ARHGEF28: variants seen among roughly 807,000 people sequenced by gnomAD.
ARHGEF28 encodes Rho guanine nucleotide exchange factor 28.
In ARHGEF28, 152 loss-of-function variants were observed where a neutral mutation model predicts 206.6. The ratio of observed to expected loss-of-function variants is 0.74; its 90% CI spans 0.64 to 0.84. The LOEUF (loss-of-function observed/expected upper bound fraction) is 0.84. Ranked by LOEUF, ARHGEF28 falls within the 40% of genes least tolerant of loss-of-function variation. The pLI, the probability that ARHGEF28 is intolerant of heterozygous loss-of-function variation, is 0.00. For missense variants in ARHGEF28, 2,028 were observed against 2,073.2 expected (o/e 0.98, Z 0.42); for synonymous variants, 763 against 776.4 (o/e 0.98, Z 0.29).
chr5:73,865,995 C>G lies in ARHGEF28; in HGVS notation c.2134C>G (p.Pro712Ala). ...KFQEKYNKNKPQTILGNSSFR... is the reference protein window; with the variant it reads ...KFQEKYNKNKAQTILGNSSFR... The stretch of plus-strand genomic sequence containing the variant: ...CCAAGAGAAATATAACAAGAACAAA[C>G]CACAGACCATCCTTGGAAGTAAGTG... The change falls in exon 18 of 36, where the codon CCA becomes GCA. Residue 712 changes from proline (P) to alanine (A), a missense_variant. Transcript: ENST00000513042. The G allele has an allele frequency of 6.2e-7, 1 of 1,604,816 alleles. No homozygotes were observed.
intron 35 of ARHGEF28, among the ~76,000 whole-genome samples, chr5:73,919,102 A>G (rs1239862273): frequency 6.6e-6 from 1 of 152,154 alleles, no homozygotes; most frequent in African/African-American, 2.4e-5. Flanking sequence ...TAACATAATT[A>G]TTTTAAAAAA....
rs566401380 is a variant in ARHGEF28 at position 73,686,372 on chromosome 5, C to T, written c.33+1488C>T. On this transcript the variant is annotated intron_variant, in intron 2 of 35. Coordinates refer to ENST00000513042, the MANE Select transcript of ARHGEF28 (RefSeq NM_001177693.2). Reference sequence around the variant, plus strand: ...TCGTGATAGAAGCCTTGTAGCTGACCGACCTCCTCATGTAGCTATTTTGAC... The same window carrying T: ...TCGTGATAGAAGCCTTGTAGCTGACTGACCTCCTCATGTAGCTATTTTGAC... 7.2e-5 allele frequency among the ~76,000 whole-genome samples: 11 copies of T among 152,108 alleles called. No homozygotes were observed. The South Asian group carries it at 2.1e-3, about 29-fold the overall frequency.
chr5:73,885,111 A>G (rs1222786404), intron 24 of ARHGEF28, among the ~76,000 whole-genome samples: 4 of 152,138 alleles, frequency 2.6e-5, no homozygotes, highest in Non-Finnish European at 5.9e-5. Context: ...TTGAATGTTA[A>G]TTTTATGGAG....
intron 10 of ARHGEF28, among the ~76,000 whole-genome samples, chr5:73,838,252 A>G (rs1757780499): frequency 2.7e-5 from 2 of 74,122 alleles, no homozygotes; most frequent in South Asian, 5.9e-4. Context: ...TTATATTAGC[A>G]TAGTACTTTT....
chr5:73,731,823 G>A (rs1243675755), intron 2 of ARHGEF28, among the ~76,000 whole-genome samples: 1 of 152,072 alleles, frequency 6.6e-6, no homozygotes, highest in East Asian at 1.9e-4. Flanking sequence ...TATGTAAACA[G>A]TTATTTATCA....
chr5:73,751,578 AAAT>A (rs1170375079), intron 3 of ARHGEF28, among the ~76,000 whole-genome samples: 4 of 152,166 alleles, frequency 2.6e-5, no homozygotes, highest in African/African-American at 9.7e-5. Context: ...AAAGGATAAA[AAAT>A]AATAACTAAA....
At chr5:73,762,455 C>CAAAAAAAAAA (rs35028103) in intron 4 of ARHGEF28, among the ~76,000 whole-genome samples, 2 of 66,864 alleles carry the variant, frequency 3.0e-5, no homozygotes, top group Non-Finnish European at 6.7e-5. Flanking sequence ...GACTCCCTCT[C>CAAAAAAAAAA]AAAAAAAAAA....
At chr5:73,896,324 C>T (rs1761957494) in intron 29 of ARHGEF28, among the ~76,000 whole-genome samples, 1 of 152,018 alleles carries the variant, frequency 6.6e-6, no homozygotes, top group African/African-American at 2.4e-5. Flanking sequence ...AGAAGGGAGG[C>T]CAGAGTAGCA....
chr5:73,810,146 C>T (rs948048020), intron 9 of ARHGEF28, among the ~76,000 whole-genome samples: 1 of 152,192 alleles, frequency 6.6e-6, no homozygotes, highest in Non-Finnish European at 1.5e-5. Flanking sequence ...TTTTTGACTT[C>T]ACTTTCTAGT....
intron 9 of ARHGEF28, among the ~76,000 whole-genome samples, chr5:73,800,714 G>A (rs916540932): frequency 2.0e-5 from 3 of 152,108 alleles, no homozygotes; most frequent in Admixed American, 1.3e-4. Context: ...ACAAACAATA[G>A]GATATGAGGT....
At chr5:73,831,635 C>G (rs996276704) in intron 9 of ARHGEF28, among the ~76,000 whole-genome samples, 3 of 151,988 alleles carry the variant, frequency 2.0e-5, no homozygotes, top group Non-Finnish European at 4.4e-5. Context: ...ACTAATACTT[C>G]TAAGTTATTA....
chr5:73,909,886 G>A lies in ARHGEF28; in HGVS notation c.4636G>A (p.Gly1546Ser). ...GAGCCTGCCCGCGGTGCTCCTTCCG[G>A]GTGGCCCCGAGGTATGGACCTTCTG... ...QRSLPAVLLP[G>S]GPEVMELNRS... Residue 1546 changes from glycine to serine, a missense_variant, in exon 34 of 36, where the codon GGT becomes AGT. Physicochemically the swap from Gly to Ser is moderately conservative, Grantham distance 56. Transcript: ENST00000513042. The A allele has an allele frequency of 6.6e-7, 1 of 1,512,248 alleles. No homozygotes were observed. The highest frequency in any genetic ancestry group is 2.2e-5 in the Admixed American group (1 of 45,340). The allele number at this position is 1,512,248 out of a possible 1,614,324, so 93.7% of individuals were successfully genotyped here.
intron 9 of ARHGEF28, among the ~76,000 whole-genome samples, chr5:73,816,975 G>GT (rs879303897): frequency 2.1e-4 from 32 of 151,752 alleles, no homozygotes; most frequent in African/African-American, 3.9e-4. Flanking sequence ...TTTTGTTTTT[G>GT]TTTTTTTTAA....
intron 35 of ARHGEF28, among the ~76,000 whole-genome samples, chr5:73,914,515 GCCT>G (rs1763098130): frequency 1.4e-5 from 2 of 146,450 alleles, no homozygotes; most frequent in Non-Finnish European, 3.0e-5. Context: ...TCCTGCCTCA[GCCT>G]CCTGAGTAGC....
Position 73,894,707 on chromosome 5 carries a change from A to G in ARHGEF28, c.3841+132A>G, listed in dbSNP as rs561964319. On this transcript the variant is annotated intron_variant, in intron 29 of 35. Transcript: ENST00000513042. ...AAGACAAGGTCCTTACTCGGCTGGAACTTATATTTCTAGAAATAGCCAAAT... is the reference window on the plus strand; with the variant it reads ...AAGACAAGGTCCTTACTCGGCTGGAGCTTATATTTCTAGAAATAGCCAAAT... 391 of 1,125,780 alleles carry G rather than the reference A, an allele frequency of 3.5e-4. 1 individual carries two copies. The highest frequency in any genetic ancestry group is 3.8e-4 in the Non-Finnish European group (313 of 815,966). The allele number at this position is 1,125,780 out of a possible 1,614,324, so 69.7% of individuals were successfully genotyped here. A position where few individuals can be genotyped will look rare whatever the true frequency, so the allele number is the denominator to read the frequency against.
intron 1 of ARHGEF28, among the ~76,000 whole-genome samples, chr5:73,678,345 T>C (rs1746830604): frequency 6.6e-6 from 1 of 152,154 alleles, no homozygotes; most frequent in African/African-American, 2.4e-5. Flanking sequence ...TAATTGCTGT[T>C]CAAATGGTTT....
At position 73,752,578 on chromosome 5, in the gene ARHGEF28, CA is replaced by C. The variant is rs1752074146; in HGVS notation, c.182-328del. Reference sequence around the variant, plus strand: ...AAAAGAGCAAAGGACTTGAAGACAACAAACACAAATTCAGGGGTCAGGGTAG... The same window carrying C: ...AAAAGAGCAAAGGACTTGAAGACAACAACACAAATTCAGGGGTCAGGGTAG... On this transcript the variant is annotated intron_variant, in intron 3 of 35. Coordinates refer to ENST00000513042, the MANE Select transcript of ARHGEF28 (RefSeq NM_001177693.2). Among the ~76,000 whole-genome samples, 4 of 152,116 alleles carry C rather than the reference CA, an allele frequency of 2.6e-5. No individual in the cohort carries two copies. The South Asian group carries it at 8.3e-4, about 31-fold the overall frequency.
At chr5:73,758,194 A>G (rs930821160) in intron 4 of ARHGEF28, among the ~76,000 whole-genome samples, 2 of 152,082 alleles carry the variant, frequency 1.3e-5, no homozygotes, top group African/African-American at 4.8e-5. Flanking sequence ...GTTCCTGTGA[A>G]CACAGTAGCT....
At chr5:73,845,986 C>CAAAAAAAAAAAAAAAAAAAAAAAA (rs57600570) in intron 11 of ARHGEF28, among the ~76,000 whole-genome samples, 6 of 63,732 alleles carry the variant, frequency 9.4e-5, no homozygotes, top group Admixed American at 1.8e-4. Flanking sequence ...AAAACTGTCT[C>CAAAAAAAAAAAAAAAAAAAAAAAA]AAAAAAAAAA....
Sources: allele counts gnomAD v4.1 joint callset (sites outside exome capture counted in the v4.1 genomes callset), GRCh38; gene constraint gnomAD v4.1.1; transcripts MANE v1.5; gene names NCBI Gene and HGNC (gene_info 2026-07-23, HGNC 2026-07-21).